The following SULF1 variants were observed in gnomAD, a reference collection of about 807,000 sequenced individuals.
The protein encoded by SULF1 is extracellular sulfatase Sulf-1.
Under a neutral mutation model 110.5 loss-of-function variants are expected in SULF1, and 46 were observed. The observed-to-expected ratio is 0.42, with a 90% confidence interval of 0.33 to 0.53. The LOEUF (loss-of-function observed/expected upper bound fraction) is 0.53. SULF1 is among the 20% of genes least tolerant of loss of function. The pLI is 0.12. For synonymous variants in SULF1, 371 were observed against 387.1 expected, an observed-to-expected ratio of 0.96 and a Z score of 0.49; for missense variants, 941 against 1,094.2, an observed-to-expected ratio of 0.86 and a Z score of 1.98.
intron 22 of SULF1, among the ~76,000 whole-genome samples, chr8:69,649,614 T>C (rs1479536066): frequency 6.6e-6 from 1 of 152,178 alleles, no homozygotes; most frequent in Non-Finnish European, 1.5e-5. Flanking sequence ...TCATTATCAG[T>C]CATGATATTT....
intron 1 of SULF1, among the ~76,000 whole-genome samples, chr8:69,485,657 C>T (rs1334466336): frequency 6.6e-6 from 1 of 152,206 alleles, no homozygotes; most frequent in East Asian, 1.9e-4. Flanking sequence ...CTGCAGTCGG[C>T]TTGTGTCCAG....
At chr8:69,478,964 C>T (rs1809410272) in intron 1 of SULF1, among the ~76,000 whole-genome samples, 2 of 152,276 alleles carry the variant, frequency 1.3e-5, no homozygotes, top group African/African-American at 2.4e-5. Flanking sequence ...AACTAATCAG[C>T]AGCACATTCA....
intron 19 of SULF1, among the ~76,000 whole-genome samples, chr8:69,635,055 C>G (rs1000860573): frequency 1.3e-5 from 2 of 152,228 alleles, no homozygotes; most frequent in African/African-American, 2.4e-5. Flanking sequence ...TGCAGCATCT[C>G]AAAGTGCTGG....
At chr8:69,514,638 T>C (rs2725097) in intron 3 of SULF1, among the ~76,000 whole-genome samples, 123,982 of 152,234 alleles carry the variant, frequency 0.81, 50,586 homozygotes, top group East Asian at 0.89. Flanking sequence ...CAGCATTAAC[T>C]AAAAGTCCAA....
At chr8:69,627,097 C>G (rs1810135013) in intron 15 of SULF1, 113 bp from the exon 16 acceptor site, 1 of 757,074 alleles carries the variant, frequency 1.3e-6, no homozygotes, top group Non-Finnish European at 2.3e-6. Context: ...TCAACGGTTA[C>G]TGCATGTATC....
chr8:69,638,961 A>C (rs987259861), intron 21 of SULF1, 103 bp downstream of exon 21: 3 of 1,196,220 alleles, frequency 2.5e-6, no homozygotes, highest in Non-Finnish European at 3.5e-6. Context: ...CATATAATTC[A>C]AGATACTTAG....
chr8:69,601,882 A>G, intron 10 of SULF1, 53 bp downstream of exon 10: 4 of 1,490,196 alleles, frequency 2.7e-6, no homozygotes, highest in Non-Finnish European at 3.6e-6. Context: ...AGTGTGTCTA[A>G]GATAATTCAA....
intron 1 of SULF1, among the ~76,000 whole-genome samples, chr8:69,470,990 C>G (rs951175135): frequency 6.6e-6 from 1 of 152,118 alleles, no homozygotes; most frequent in Admixed American, 6.5e-5. Flanking sequence ...CATTCATAAG[C>G]CTGTGTGTAA....
intron 3 of SULF1, among the ~76,000 whole-genome samples, chr8:69,534,443 A>G (rs890945866): frequency 3.9e-5 from 6 of 152,222 alleles, no homozygotes; most frequent in African/African-American, 1.4e-4. Context: ...CAAGAATCTT[A>G]TAGTGCATTT....
At chr8:69,617,136 C>G (rs890514657) in intron 13 of SULF1, among the ~76,000 whole-genome samples, 1 of 151,856 alleles carries the variant, frequency 6.6e-6, no homozygotes, top group Non-Finnish European at 1.5e-5. Flanking sequence ...TTTGGCAACA[C>G]TTTCCCCAGC....
At chr8:69,605,497 T>C (rs919630190) in intron 13 of SULF1, among the ~76,000 whole-genome samples, 1 of 152,192 alleles carries the variant, frequency 6.6e-6, no homozygotes, top group Non-Finnish European at 1.5e-5. Flanking sequence ...TCCTCTTCGT[T>C]AGTAGAAATA....
intron 1 of SULF1, among the ~76,000 whole-genome samples, chr8:69,480,205 A>G (rs940775713): frequency 6.6e-6 from 1 of 152,194 alleles, no homozygotes. Flanking sequence ...TACGACTTCA[A>G]AACAATTTTC....
chr8:69,627,347 C>A, intron 16 of SULF1, 41 bp downstream of exon 16: 1 of 1,503,192 alleles, frequency 6.7e-7, no homozygotes, highest in South Asian at 1.1e-5. Flanking sequence ...ATTCCAAACT[C>A]AAACTCGGCC....
chr8:69,565,589 C>G (rs951833672), intron 5 of SULF1, among the ~76,000 whole-genome samples: 2 of 152,106 alleles, frequency 1.3e-5, no homozygotes, highest in South Asian at 4.1e-4. Flanking sequence ...CCAGTTTTTC[C>G]CTCACCGGTT....
chr8:69,563,477 G>A (rs1350517803), intron 3 of SULF1, 62 bp from the exon 4 acceptor site: 2 of 154,778 alleles, frequency 1.3e-5, no homozygotes, highest in Non-Finnish European at 1.4e-5. Context: ...ACTTCAGATC[G>A]AAAATCTGTT....
chr8:69,635,213 A>G (rs915282876), intron 19 of SULF1, among the ~76,000 whole-genome samples: 3 of 152,378 alleles, frequency 2.0e-5, no homozygotes, highest in African/African-American at 7.2e-5. Context: ...TATGTGATAC[A>G]ACAATGGCAG....
intron 8 of SULF1, among the ~76,000 whole-genome samples, chr8:69,596,915 T>C (rs572468633): frequency 2.0e-5 from 3 of 152,162 alleles, no homozygotes; most frequent in African/African-American, 7.2e-5. Context: ...CAAGAACTCT[T>C]TAAAGTTGTT....
At chr8:69,635,033 T>C (rs1212025596) in intron 19 of SULF1, among the ~76,000 whole-genome samples, 1 of 152,184 alleles carries the variant, frequency 6.6e-6, no homozygotes, top group African/African-American at 2.4e-5. Context: ...TGAACTCAGG[T>C]GATCCGCCCA....
chr8:69,551,393 A>G (rs10504451), intron 3 of SULF1, among the ~76,000 whole-genome samples: 79,673 of 152,062 alleles, frequency 0.52, 22,648 homozygotes, highest in African/African-American at 0.77. Context: ...GTACGTAGAA[A>G]GAGATGTTAG....
Sources: gnomAD v4.1 joint callset for allele counts (sites outside exome capture counted in the v4.1 genomes callset) on GRCh38, gnomAD v4.1.1 for gene constraint, MANE v1.5 for transcripts, NCBI Gene and HGNC (gene_info 2026-07-23, HGNC 2026-07-21) for gene names.